Variants in BLK observed in about 807,000 individuals in gnomAD.
BLK encodes the protein BLK proto-oncogene, Src family tyrosine kinase, also known as tyrosine-protein kinase Blk.
Under a neutral mutation model 61.8 loss-of-function variants are expected in BLK, and 64 were observed. The observed-to-expected ratio is 1.03, with a 90% confidence interval of 0.85 to 1.27. BLK has a LOEUF of 1.27. BLK is among the 50% of genes most tolerant of loss of function. BLK has a pLI of 0.00. For missense variants in BLK, 853 were observed against 660.5 expected (o/e 1.29, Z -3.19); for synonymous variants, 351 against 272.0 (o/e 1.29, Z -2.86).
At chr8:11,536,186 G>T (rs769669667) in intron 1 of BLK, among the ~76,000 whole-genome samples, 1 of 152,194 alleles carries the variant, frequency 6.6e-6, no homozygotes, top group Non-Finnish European at 1.5e-5. Flanking sequence ...GTGAGCAAAT[G>T]TCTCCATGCT....
chr8:11,535,028 A>T (rs75867350), intron 1 of BLK, among the ~76,000 whole-genome samples: 1 of 152,084 alleles, frequency 6.6e-6, no homozygotes, highest in Non-Finnish European at 1.5e-5. Flanking sequence ...TGTTTAAAAA[A>T]TTAGCCAGGC....
At chr8:11,512,204 A>C (rs1563427671) in intron 1 of BLK, among the ~76,000 whole-genome samples, 1 of 152,238 alleles carries the variant, frequency 6.6e-6, no homozygotes, top group Non-Finnish European at 1.5e-5. Flanking sequence ...GGATGACTTA[A>C]TGGGTACAGA....
intron 1 of BLK, among the ~76,000 whole-genome samples, chr8:11,516,410 A>G (rs1052347808): frequency 2.0e-5 from 3 of 152,196 alleles, no homozygotes; most frequent in African/African-American, 7.2e-5. Context: ...CTTGCGGTGC[A>G]AAGAAAGTTC....
At chr8:11,520,700 C>G (rs1257289373) in intron 1 of BLK, among the ~76,000 whole-genome samples, 1 of 152,000 alleles carries the variant, frequency 6.6e-6, no homozygotes, top group East Asian at 1.9e-4. Flanking sequence ...TTTGGGAATT[C>G]TTGCCAGTGT....
At chr8:11,524,514 C>T (rs1799574844) in intron 1 of BLK, among the ~76,000 whole-genome samples, 4 of 152,214 alleles carry the variant, frequency 2.6e-5, no homozygotes, top group Admixed American at 1.3e-4. Context: ...CAGGGAACTA[C>T]ATACTTCCAT....
chr8:11,498,421 T>G (rs1391086249), intron 1 of BLK, among the ~76,000 whole-genome samples: 1 of 152,196 alleles, frequency 6.6e-6, no homozygotes, highest in Non-Finnish European at 1.5e-5. Flanking sequence ...TACTTACAGT[T>G]TTTGTCAGAT....
At chr8:11,510,583 C>T (rs891250784) in intron 1 of BLK, among the ~76,000 whole-genome samples, 6 of 152,114 alleles carry the variant, frequency 3.9e-5, no homozygotes, top group Admixed American at 6.5e-5. Context: ...GGGGCTGTGG[C>T]CCCAAAAATG....
intron 1 of BLK, among the ~76,000 whole-genome samples, chr8:11,531,419 T>A (rs1342332328): frequency 1.3e-5 from 2 of 152,212 alleles, no homozygotes; most frequent in Non-Finnish European, 2.9e-5. Context: ...CTGACTCATA[T>A]TCTTTATATC....
chr8:11,542,688 C>T (rs1300452125), intron 1 of BLK, among the ~76,000 whole-genome samples: 1 of 152,190 alleles, frequency 6.6e-6, no homozygotes, highest in Non-Finnish European at 1.5e-5. Flanking sequence ...AGCTAGGCCT[C>T]GATGCCTGTG....
chr8:11,498,479 A>T (rs1798437215), intron 1 of BLK, among the ~76,000 whole-genome samples: 1 of 152,244 alleles, frequency 6.6e-6, no homozygotes, highest in African/African-American at 2.4e-5. Context: ...CACACAGTCA[A>T]ATATCTAGGA....
chr8:11,519,703 A>G (rs1799366060), intron 1 of BLK, among the ~76,000 whole-genome samples: 1 of 152,230 alleles, frequency 6.6e-6, no homozygotes, highest in South Asian at 2.1e-4. Flanking sequence ...TTGACTGAGA[A>G]AATGAGACAT....
rs749120511 is a variant in BLK, at chr8:11,543,357, T to C, written c.123+10T>C. 1.2e-6 allele frequency: 2 copies of C among 1,612,508 alleles called. No individual in the cohort carries two copies. Among genetic ancestry groups the C allele is most frequent in the East Asian group, 4.5e-5 (2 of 44,886 alleles). Reference sequence around the variant, plus strand: ...GCCACTGCCGCCCCTGGTGAGTGATTGCCCACCCCCACCAAGAGCAGATTA... The same window carrying C: ...GCCACTGCCGCCCCTGGTGAGTGATCGCCCACCCCCACCAAGAGCAGATTA... On this transcript the variant is annotated intron_variant, in intron 2 of 12. Coordinates refer to ENST00000259089, the MANE Select transcript of BLK (RefSeq NM_001715.3).
intron 6 of BLK, among the ~76,000 whole-genome samples, chr8:11,551,581 A>G (rs111259411): frequency 1.2e-3 from 179 of 152,296 alleles, no homozygotes; most frequent in African/African-American, 4.0e-3. Flanking sequence ...AGATTCATTC[A>G]TGTGGTTGAG....
chr8:11,561,558 A>G, intron 11 of BLK, 106 bp downstream of exon 11: 1 of 1,412,436 alleles, frequency 7.1e-7, no homozygotes, highest in South Asian at 1.2e-5. Context: ...AAGACACCTG[A>G]GGGCTATACG....
At chr8:11,527,904 C>T (rs932973856) in intron 1 of BLK, among the ~76,000 whole-genome samples, 3 of 152,130 alleles carry the variant, frequency 2.0e-5, no homozygotes, top group Admixed American at 6.6e-5. Context: ...TAAGGGATTA[C>T]AGAAATTATG....
intron 1 of BLK, among the ~76,000 whole-genome samples, chr8:11,516,531 T>G (rs562417977): frequency 6.6e-6 from 1 of 152,334 alleles, no homozygotes; most frequent in South Asian, 2.1e-4. Context: ...ATTTTCTATC[T>G]TCTCCCATTT....
At chr8:11,527,128 A>T (rs2117359750) in intron 1 of BLK, among the ~76,000 whole-genome samples, 1 of 152,220 alleles carries the variant, frequency 6.6e-6, no homozygotes, top group Middle Eastern at 3.4e-3. Flanking sequence ...TTAAGGCTTA[A>T]TGTGGACGTC....
At chr8:11,502,164 G>A (rs1474950842) in intron 1 of BLK, among the ~76,000 whole-genome samples, 1 of 152,154 alleles carries the variant, frequency 6.6e-6, no homozygotes, top group Non-Finnish European at 1.5e-5. Flanking sequence ...TTATTAAGAT[G>A]CAGTAAAAAT....
At chr8:11,513,852 A>T (rs1165072473) in intron 1 of BLK, among the ~76,000 whole-genome samples, 2 of 152,120 alleles carry the variant, frequency 1.3e-5, no homozygotes, top group Non-Finnish European at 2.9e-5. Flanking sequence ...CCCTGTGTGA[A>T]GGGGGCTTGG....
Sources: allele counts gnomAD v4.1 joint callset (sites outside exome capture counted in the v4.1 genomes callset), GRCh38; gene constraint gnomAD v4.1.1; transcripts MANE v1.5; gene names NCBI Gene and HGNC (gene_info 2026-07-23, HGNC 2026-07-21).